Variants in BCL11B observed in about 807,000 individuals in gnomAD.
BCL11B encodes the protein BCL11 transcription factor B, also known as B-cell lymphoma/leukemia 11B.
A neutral mutation model predicts 49.9 loss-of-function variants in BCL11B; 8 were observed. The ratio of observed to expected loss-of-function variants is 0.16; its 90% confidence interval spans 0.09 to 0.29. The LOEUF (loss-of-function observed/expected upper bound fraction) is 0.29. Among genes scored for constraint, BCL11B ranks in the 10% least tolerant of loss-of-function variants. The probability of loss-of-function intolerance (pLI) is 1.00; values close to 1 mark genes in which losing one functional copy is unlikely to be tolerated. For missense variants in BCL11B, 1,006 were observed against 1,351.0 expected (o/e 0.74, Z 4.00); for synonymous variants, 739 against 637.4 (o/e 1.16, Z -2.40).
At chr14:99,259,407 G>A (rs920459331) in intron 1 of BCL11B, among the ~76,000 whole-genome samples, 2 of 152,182 alleles carry the variant, frequency 1.3e-5, no homozygotes, top group Admixed American at 6.5e-5. Context: ...CAGGGCCTAG[G>A]AGAGTCCATG....
At chr14:99,266,518 A>G (rs1184987485) in intron 1 of BCL11B, among the ~76,000 whole-genome samples, 2 of 152,262 alleles carry the variant, frequency 1.3e-5, no homozygotes, top group Admixed American at 1.3e-4. Context: ...CCCATCTGCC[A>G]AGTGAGGGCT....
chr14:99,194,698 G>A lies in BCL11B; in HGVS notation c.641-18503C>T, dbSNP rs961465580. Among the ~76,000 whole-genome samples the A allele has an allele frequency of 5.3e-5, 8 of 152,174 alleles. No individual in the cohort carries two copies. Among genetic ancestry groups the A allele is most frequent in the South Asian group, 2.1e-4 (1 of 4,832 alleles). Reference sequence around the variant, plus strand: ...GAAAGGTGAGATTCAACCAGGTTGCGTGGCTGGTCCTACAGGAAGTGAAGG... The same window carrying A: ...GAAAGGTGAGATTCAACCAGGTTGCATGGCTGGTCCTACAGGAAGTGAAGG... On this transcript the variant is annotated intron_variant, in intron 3 of 3. Transcript: ENST00000357195. This position sits in a 1 kb window ranked among gnomAD's most constrained non-coding sequence, Gnocchi z 4.6.
At chr14:99,216,268 A>G (rs1483302648) in intron 3 of BCL11B, among the ~76,000 whole-genome samples, 1 of 152,196 alleles carries the variant, frequency 6.6e-6, no homozygotes, top group Non-Finnish European at 1.5e-5. Context: ...TTGAAGATGA[A>G]GCCCACAATG....
In BCL11B at chr14:99,242,982, C is replaced by T. The variant is rs1221603684; in HGVS notation, c.428-11425G>A. ...GGTCCGCTTTGAGTTCCTTCCTCAC[C>T]GGCACCTAGCAAGCCTGTGCATTTA... On this transcript the variant is annotated intron_variant, in intron 2 of 3. Coordinates refer to ENST00000357195, the MANE Select transcript of BCL11B (RefSeq NM_138576.4). The surrounding 1 kb of genome is among the most constrained non-coding windows in gnomAD (Gnocchi z 4.4). Among the ~76,000 whole-genome samples, 6 of 152,302 alleles carry T rather than the reference C, an allele frequency of 3.9e-5. No individual in the cohort carries two copies. Among genetic ancestry groups the T allele is most frequent in the East Asian group, 1.9e-4 (1 of 5,178 alleles).
rs1889692061 is a variant in BCL11B at position 99,271,580 on chromosome 14, C to G, written c.-362G>C. 1 of 190,420 alleles carries G rather than the reference C, an allele frequency of 5.3e-6. No individual in the cohort carries two copies. The highest frequency in any genetic ancestry group is 2.0e-4 in the South Asian group (1 of 5,100). 11.8% of individuals were successfully genotyped at this position (190,420 alleles called of 1,614,324 possible). ...TGGTTTCTTTAAAAATATATTCTTTCGAAGGAAAAAAAATCTCTTACACTT... is the reference window on the plus strand; with the variant it reads ...TGGTTTCTTTAAAAATATATTCTTTGGAAGGAAAAAAAATCTCTTACACTT... On this transcript the variant is annotated 5_prime_UTR_variant, in exon 1 of 4. Coordinates refer to ENST00000357195, the MANE Select transcript of BCL11B (RefSeq NM_138576.4).
chr14:99,231,298 C>A lies in BCL11B; in HGVS notation c.640+47G>T, dbSNP rs372311298. On this transcript the variant is annotated intron_variant, in intron 3 of 3. Transcript: ENST00000357195. This position sits in a 1 kb window ranked among gnomAD's most constrained non-coding sequence, Gnocchi z 8.1. ...TTGCTCCAGCGCTGCCCATGGCACA[C>A]CCCGCCATCCCGGGGGCCCGCCCCC... 8 of 1,580,064 alleles carry A rather than the reference C, an allele frequency of 5.1e-6. No homozygotes were observed. The South Asian group carries it at 6.9e-5, about 14-fold the overall frequency.
At chr14:99,208,478 C>T (rs1320476355) in intron 3 of BCL11B, among the ~76,000 whole-genome samples, 1 of 152,192 alleles carries the variant, frequency 6.6e-6, no homozygotes, top group East Asian at 1.9e-4. Flanking sequence ...AATATTTACA[C>T]CTAGCTTTCC....
chr14:99,247,519 C>T lies in BCL11B; in HGVS notation c.427+9952G>A, dbSNP rs1324904664. Reference sequence around the variant, plus strand: ...GACAGCCAGTCTCTGCCCTCAAACCCCAAGGGAGGAGCCTGGAATCCCTGG... The same window carrying T: ...GACAGCCAGTCTCTGCCCTCAAACCTCAAGGGAGGAGCCTGGAATCCCTGG... On this transcript the variant is annotated intron_variant, in intron 2 of 3. Transcript: ENST00000357195. This position sits in a 1 kb window ranked among gnomAD's most constrained non-coding sequence, Gnocchi z 4.5. Among the ~76,000 whole-genome samples, 1 of 152,170 alleles carries T rather than the reference C, an allele frequency of 6.6e-6. No homozygotes were observed. Among genetic ancestry groups the T allele is most frequent in the Non-Finnish European group, 1.5e-5 (1 of 68,024 alleles).
chr14:99,250,033 CTTTTTTTTTTT>C (rs35826122), intron 2 of BCL11B, among the ~76,000 whole-genome samples: 1 of 106,260 alleles, frequency 9.4e-6, no homozygotes, highest in Non-Finnish European at 1.9e-5. Flanking sequence ...ACAGGAGAAT[CTTTTTTTTTTT>C]TTTTTTTTTG....
chr14:99,201,025 G>A (rs1887365440), intron 3 of BCL11B, among the ~76,000 whole-genome samples: 1 of 152,284 alleles, frequency 6.6e-6, no homozygotes, highest in African/African-American at 2.4e-5. Flanking sequence ...GGAGAAGCCA[G>A]GGCACCAAGG....
rs901555393 is a variant in BCL11B at position 99,242,038 on chromosome 14, G to C, written c.428-10481C>G. Among the ~76,000 whole-genome samples the C allele has an allele frequency of 6.6e-6, 1 of 152,188 alleles. No individual in the cohort carries two copies. The highest frequency in any genetic ancestry group is 2.4e-5 in the African/African-American group (1 of 41,450). ...GGGTTTAAGGAAAGGGTGGGTAGAAGGGGACAGGAAAAGGGGAGTGGGGAG... is the reference window on the plus strand; with the variant it reads ...GGGTTTAAGGAAAGGGTGGGTAGAACGGGACAGGAAAAGGGGAGTGGGGAG... On this transcript the variant is annotated intron_variant, in intron 2 of 3. Coordinates refer to ENST00000357195, the MANE Select transcript of BCL11B (RefSeq NM_138576.4). The surrounding 1 kb of genome is among the most constrained non-coding windows in gnomAD (Gnocchi z 4.4).
intron 3 of BCL11B, among the ~76,000 whole-genome samples, chr14:99,182,771 C>T (rs1354074054): frequency 6.6e-6 from 1 of 152,184 alleles, no homozygotes; most frequent in Non-Finnish European, 1.5e-5. Context: ...AGTTCATCCC[C>T]GCACTCTCCC....
chr14:99,172,133 G>A lies in BCL11B; in HGVS notation c.*2018C>T, dbSNP rs887911308. 1 of 220,778 alleles carries A rather than the reference G, an allele frequency of 4.5e-6. No individual in the cohort carries two copies. Among genetic ancestry groups the A allele is most frequent in the African/African-American group, 2.2e-5 (1 of 44,518 alleles). The allele number at this position is 220,778 out of a possible 1,614,324, so 13.7% of individuals were successfully genotyped here. A position where few individuals can be genotyped will look rare whatever the true frequency, so the allele number is the denominator to read the frequency against. On this transcript the variant is annotated 3_prime_UTR_variant, in exon 4 of 4. Coordinates refer to ENST00000357195, the MANE Select transcript of BCL11B (RefSeq NM_138576.4). The stretch of plus-strand genomic sequence containing the variant: ...TGTAAACGTATTTTTAAGACAGAGT[G>A]CACTAAATTTAACTTTAGAAAAAAT...
At chr14:99,217,613 C>T (rs188074194) in intron 3 of BCL11B, among the ~76,000 whole-genome samples, 46 of 152,330 alleles carry the variant, frequency 3.0e-4, no homozygotes, top group African/African-American at 1.1e-3. Flanking sequence ...GAACCCCCAC[C>T]CCCTGGCCTC....
chr14:99,212,290 G>A (rs1019346172), intron 3 of BCL11B, among the ~76,000 whole-genome samples: 1 of 152,168 alleles, frequency 6.6e-6, no homozygotes, highest in Non-Finnish European at 1.5e-5. Flanking sequence ...TCAGACAGCT[G>A]CAGCATGTGC....
chr14:99,238,699 TC>T (rs1382074843), intron 2 of BCL11B, among the ~76,000 whole-genome samples: 4 of 152,016 alleles, frequency 2.6e-5, no homozygotes. Flanking sequence ...TCGGGGAAAA[TC>T]CTGCAGTGTT....
rs747325432 is a variant in BCL11B, at chr14:99,257,745, G to C, written c.153C>G (p.Pro51=). The change falls in exon 2 of 4, where the codon CCC becomes CCG. Residue 51 remains proline, a synonymous_variant. Transcript: ENST00000357195. This position sits in a 1 kb window ranked among gnomAD's most constrained non-coding sequence, Gnocchi z 6.2. ...PSGLGLMVGG[P]DPDLLTCGQC... is the part of the protein sequence containing the mutation. ...GGCCACAGGTGAGCAGGTCAGGGTC[G>C]GGGCCACCCACCATCAGCCCCAGGC... The C allele has an allele frequency of 6.2e-7, 1 of 1,608,754 alleles. No homozygotes were observed. Among genetic ancestry groups the C allele is most frequent in the Non-Finnish European group, 8.5e-7 (1 of 1,176,336 alleles).
chr14:99,221,974 T>C (rs1852141243), intron 3 of BCL11B, among the ~76,000 whole-genome samples: 1 of 152,218 alleles, frequency 6.6e-6, no homozygotes, highest in Non-Finnish European at 1.5e-5. Flanking sequence ...TTCCCTGGCA[T>C]AATGCTGGGC....
chr14:99,174,514 G>A lies in BCL11B; in HGVS notation c.2322C>T (p.Gly774=). ...LSGRSGTASG[G]STPHLGGPGP... is the part of the protein sequence containing the mutation. ...CCGGGCCGCCCAGGTGCGGGGTGCT[G>A]CCTCCGCTGGCCGTGCCGCTGCGGC... is the stretch of plus-strand genomic sequence containing the variant. Residue 774 remains glycine, a synonymous_variant, in exon 4 of 4, where the codon GGC becomes GGT. Transcript: ENST00000357195. 1 of 1,528,988 alleles carries A rather than the reference G, an allele frequency of 6.5e-7. No homozygotes were observed. The allele number at this position is 1,528,988 out of a possible 1,614,324, so 94.7% of individuals were successfully genotyped here.
Sources: gnomAD v4.1 joint callset for allele counts (sites outside exome capture counted in the v4.1 genomes callset) on GRCh38, gnomAD v4.1.1 for gene constraint, Gnocchi (gnomAD v3.1) non-coding constraint, MANE v1.5 for transcripts, NCBI Gene and HGNC (gene_info 2026-07-23, HGNC 2026-07-21) for gene names.